TBRG1: variants seen among roughly 807,000 people sequenced by gnomAD.
TBRG1 encodes the protein transforming growth factor beta regulator 1.
Under a neutral mutation model 44.0 loss-of-function variants are expected in TBRG1, and 31 were observed. That is an observed-to-expected ratio of 0.70 (90% CI 0.53 to 0.95). TBRG1 has a LOEUF of 0.95. Ranked by LOEUF, TBRG1 falls within the 40% of genes least tolerant of loss-of-function variation. TBRG1 has a pLI of 0.00. For missense variants in TBRG1, 487 were observed against 496.1 expected (o/e 0.98, Z 0.18); for synonymous variants, 171 against 188.1 (o/e 0.91, Z 0.74).
At chr11:124,625,190 T>C (rs1199750299) in intron 2 of TBRG1, among the ~76,000 whole-genome samples, 189 bp downstream of exon 2, 1 of 152,238 alleles carries the variant, frequency 6.6e-6, no homozygotes, top group African/African-American at 2.4e-5. Flanking sequence ...ACCCAAGTTA[T>C]GTTGGGCCAT....
At chr11:124,624,407 G>A (rs2156155) in intron 1 of TBRG1, among the ~76,000 whole-genome samples, 82,235 of 149,488 alleles carry the variant, frequency 0.55, 24,914 homozygotes, top group African/African-American at 0.83. Flanking sequence ...ACTTGAATTC[G>A]TATAAGTAGA....
intron 1 of TBRG1, chr11:124,623,434 C>G: frequency 1.4e-6 from 1 of 700,170 alleles, no homozygotes. Context: ...TAGTAACTGT[C>G]TTGCAGAATA....
At chr11:124,628,068 TATATATATATATATATA>T (rs1942512818) in intron 5 of TBRG1, among the ~76,000 whole-genome samples, 1 of 30,830 alleles carries the variant, frequency 3.2e-5, no homozygotes, top group Non-Finnish European at 5.6e-5. Context: ...AGCTGTTTTA[TATATATATATATATATA>T]TATATATATA....
In TBRG1 at chr11:124,632,146, C is replaced by T. The variant is rs370817159; in HGVS notation, c.1144C>T (p.Pro382Ser). 1.1e-5 allele frequency: 17 copies of T among 1,613,324 alleles called. No homozygotes were observed. The African/African-American group carries it at 2.0e-4, about 19-fold the overall frequency. Reference protein sequence around the residue: ...QPAAFVSSYQPMYLTHEPLVD... With the variant: ...QPAAFVSSYQSMYLTHEPLVD... Reference sequence around the variant, plus strand: ...TGCAGCCTTTGTGTCTTCTTACCAGCCCATGTACCTGACACATGAACCCTT... The same window carrying T: ...TGCAGCCTTTGTGTCTTCTTACCAGTCCATGTACCTGACACATGAACCCTT... Residue 382 changes from proline (P) to serine (S), a missense_variant, in exon 9 of 9, where the codon CCC becomes TCC. Coordinates refer to ENST00000441174, the MANE Select transcript of TBRG1 (RefSeq NM_032811.3).
chr11:124,627,056 CCCTCTAATAATAACCACTGTTTGT>C lies in TBRG1; in HGVS notation c.738+8_738+31del. 1 of 1,521,020 alleles carries C rather than the reference CCCTCTAATAATAACCACTGTTTGT, an allele frequency of 6.6e-7. No individual in the cohort carries two copies. The highest frequency in any genetic ancestry group is 8.9e-7 in the Non-Finnish European group (1 of 1,118,982). 94.2% of individuals were successfully genotyped at this position (1,521,020 alleles called of 1,614,324 possible). A position where few individuals can be genotyped will look rare whatever the true frequency, so the allele number is the denominator to read the frequency against. On this transcript the variant is annotated splice_region_variant and intron_variant, in intron 5 of 8. Transcript: ENST00000441174. ...ATGGTGGTGTGCAGCCTCAGGTACC[CCCTCTAATAATAACCACTGTTTGT>C]CTTTAGAACCTTCTCTGTGCTAGGA...
rs1942628725 is a variant in TBRG1 at position 124,632,099 on chromosome 11, T to C, written c.1097T>C (p.Leu366Ser). 6.2e-7 allele frequency: 1 copy of C among 1,613,534 alleles called. No homozygotes were observed. Among genetic ancestry groups the C allele is most frequent in the Non-Finnish European group, 8.5e-7 (1 of 1,179,672 alleles). ...AAGGAATTGTTTTCTCCAGGATCCT[T>C]GGACCTCCCAGAGCTTCAGCCTGCA... is the stretch of plus-strand genomic sequence containing the variant. The part of the protein sequence containing the change: ...DQNDPLLPGS[L>S]DLPELQPAAF... The change falls in exon 9 of 9, where the codon TTG becomes TCG. Residue 366 changes from leucine (L) to serine (S), a missense_variant. Transcript: ENST00000441174.
At chr11:124,630,365 C>T (rs778125758) in intron 5 of TBRG1, 23 bp from the exon 6 acceptor site, 2 of 1,480,260 alleles carry the variant, frequency 1.4e-6, no homozygotes, top group African/African-American at 2.8e-5. Context: ...GGATTGATCT[C>T]ATTGCTCGTT....
intron 5 of TBRG1, among the ~76,000 whole-genome samples, chr11:124,629,214 C>T (rs905655325): frequency 1.3e-5 from 2 of 152,168 alleles, no homozygotes; most frequent in African/African-American, 4.8e-5. Context: ...TGGCGTGCGC[C>T]TGTAGTCCCA....
chr11:124,624,381 AAAG>A (rs1359222584), intron 1 of TBRG1, among the ~76,000 whole-genome samples: 2 of 149,456 alleles, frequency 1.3e-5, no homozygotes, highest in Non-Finnish European at 3.0e-5. Context: ...AAAAAAAAAA[AAAG>A]AAAAAAGATA....
chr11:124,626,739 C>T (rs1486181482), intron 4 of TBRG1, 130 bp downstream of exon 4: 3 of 1,418,542 alleles, frequency 2.1e-6, no homozygotes, highest in African/African-American at 2.9e-5. Context: ...ATCTCCAGTC[C>T]CTGCAAAACC....
chr11:124,632,106 C>T lies in TBRG1; in HGVS notation c.1104C>T (p.Leu368=). 6.2e-7 allele frequency: 1 copy of T among 1,613,668 alleles called. No homozygotes were observed. The highest frequency in any genetic ancestry group is 1.1e-5 in the South Asian group (1 of 91,076). Residue 368 remains leucine, a synonymous_variant, in exon 9 of 9, where the codon CTC becomes CTT. Transcript: ENST00000441174. ...TGTTTTCTCCAGGATCCTTGGACCT[C>T]CCAGAGCTTCAGCCTGCAGCCTTTG... The part of the protein sequence containing the change: ...NDPLLPGSLD[L]PELQPAAFVS...
At position 124,634,479 on chromosome 11, in the gene TBRG1, T is replaced by C. The variant is rs1182499476; in HGVS notation, c.*2241T>C. ...GAGGGCAAAAAAAGGACTACCTTGG[T>C]GAGAATGTAAGTTGTTTAATCCTTT... On this transcript the variant is annotated 3_prime_UTR_variant, in exon 9 of 9. Transcript: ENST00000441174. 6.6e-6 allele frequency: 1 copy of C among 152,112 alleles called. No homozygotes were observed. Among genetic ancestry groups the C allele is most frequent in the Non-Finnish European group, 1.5e-5 (1 of 68,026 alleles). 9.4% of individuals were successfully genotyped at this position (152,112 alleles called of 1,614,324 possible).
Position 124,631,272 on chromosome 11 carries a change from C to A in TBRG1, c.948-3C>A. 1 of 1,570,498 alleles carries A rather than the reference C, an allele frequency of 6.4e-7. No individual in the cohort carries two copies. ...TCAAGGGTGATTTCCCTTGATTCTG[C>A]AGTTACCAGTGGGTGAAATTTGATG... On this transcript the variant is annotated splice_polypyrimidine_tract_variant and splice_region_variant and intron_variant, in intron 7 of 8. Coordinates refer to ENST00000441174, the MANE Select transcript of TBRG1 (RefSeq NM_032811.3).
At chr11:124,626,403 G>A (rs756604280) in intron 3 of TBRG1, 70 bp from the exon 4 acceptor site, 9 of 1,368,102 alleles carry the variant, frequency 6.6e-6, no homozygotes, top group Middle Eastern at 1.9e-4. Context: ...CACCATTCAC[G>A]TGCAAATTTA....
rs1470082764 is a variant in TBRG1 at position 124,628,531 on chromosome 11, A to G, written c.738+1481A>G. 5.3e-5 allele frequency among the ~76,000 whole-genome samples: 8 copies of G among 150,382 alleles called. No homozygotes were observed. The East Asian group carries it at 1.6e-3, about 29-fold the overall frequency. On this transcript the variant is annotated intron_variant, in intron 5 of 8. Transcript: ENST00000441174. Reference sequence around the variant, plus strand: ...GTAGGAAAAAGCAATATTAAAAAAAAAAAAAAAAAACCCACAGGCATTTCA... The same window carrying G: ...GTAGGAAAAAGCAATATTAAAAAAAGAAAAAAAAAACCCACAGGCATTTCA...
rs1302667464 is a variant in TBRG1 at position 124,635,348 on chromosome 11, T to C, written c.*3110T>C. ...GGGAGCCAACGTTCCTTGTAAAGTGTGTAGATTTTTTGTTTTTTAACTAAA... is the reference window on the plus strand; with the variant it reads ...GGGAGCCAACGTTCCTTGTAAAGTGCGTAGATTTTTTGTTTTTTAACTAAA... On this transcript the variant is annotated 3_prime_UTR_variant, in exon 9 of 9. Coordinates refer to ENST00000441174, the MANE Select transcript of TBRG1 (RefSeq NM_032811.3). 5 of 152,228 alleles carry C rather than the reference T, an allele frequency of 3.3e-5. No individual in the cohort carries two copies. Among genetic ancestry groups the C allele is most frequent in the Non-Finnish European group, 1.5e-5 (1 of 68,042 alleles). The allele number at this position is 152,228 out of a possible 1,614,324, so 9.4% of individuals were successfully genotyped here.
chr11:124,626,335 C>A, intron 3 of TBRG1, 138 bp from the exon 4 acceptor site: 1 of 810,994 alleles, frequency 1.2e-6, no homozygotes, highest in Non-Finnish European at 1.9e-6. Flanking sequence ...GGGCTTTGGG[C>A]GAAAGCCCCA....
intron 5 of TBRG1, chr11:124,629,927 A>T (rs1364326411): frequency 6.5e-6 from 1 of 153,456 alleles, no homozygotes; most frequent in Non-Finnish European, 1.5e-5. Flanking sequence ...TGTAATTTCG[A>T]TGCAACAGTT....
rs1476214388 is a variant in TBRG1 at position 124,626,555 on chromosome 11, A to C, written c.537A>C (p.Gly179=). 76 of 1,551,404 alleles carry C rather than the reference A, an allele frequency of 4.9e-5. No homozygotes were observed. Among genetic ancestry groups the C allele is most frequent in the Non-Finnish European group, 6.0e-5 (69 of 1,146,870 alleles). The change falls in exon 4 of 9, where the codon GGA becomes GGC. Residue 179 remains glycine, a synonymous_variant. Transcript: ENST00000441174. The stretch of plus-strand genomic sequence containing the variant: ...AGCCCATTGCCCTGGATCCCTCAGG[A>C]CGGCCTGTGTTCCCCATCGGACTAG... The part of the protein sequence containing the change: ...LVQPIALDPS[G]RPVFPIGLGG...
Sources: gnomAD v4.1 joint callset for allele counts (sites outside exome capture counted in the v4.1 genomes callset) on GRCh38, gnomAD v4.1.1 for gene constraint, MANE v1.5 for transcripts, NCBI Gene and HGNC (gene_info 2026-07-23, HGNC 2026-07-21) for gene names.